Variants in ANKRD18B observed in about 807,000 individuals in gnomAD.
ANKRD18B encodes ankyrin repeat domain-containing protein 18B.
Under a neutral mutation model 111.8 loss-of-function variants are expected in ANKRD18B, and 75 were observed. The ratio of observed to expected loss-of-function variants is 0.67; its 90% CI spans 0.56 to 0.81. The LOEUF is 0.81. ANKRD18B is among the 40% of genes least tolerant of loss of function. The pLI, the probability that ANKRD18B is intolerant of heterozygous loss-of-function variation, is 0.00. For missense variants in ANKRD18B, 1,038 were observed against 1,225.5 expected (o/e 0.85, Z 2.28); for synonymous variants, 356 against 417.3 (o/e 0.85, Z 1.79).
chr9:33,553,187 C>A (rs1340495572), intron 12 of ANKRD18B, among the ~76,000 whole-genome samples: 1 of 149,026 alleles, frequency 6.7e-6, no homozygotes, highest in Non-Finnish European at 1.5e-5. Flanking sequence ...ATAAGTGAGA[C>A]CCTGACTCTA....
chr9:33,528,203 G>A (rs1464864310), intron 1 of ANKRD18B, among the ~76,000 whole-genome samples: 2 of 152,174 alleles, frequency 1.3e-5, no homozygotes, highest in African/African-American at 4.8e-5. Context: ...CAGGAGGCTG[G>A]GGCAGGAGGT....
intron 9 of ANKRD18B, among the ~76,000 whole-genome samples, chr9:33,541,455 A>AACGGTG (rs1828278467): frequency 6.6e-6 from 1 of 152,186 alleles, no homozygotes; most frequent in Non-Finnish European, 1.5e-5. Context: ...GTAATGAGTC[A>AACGGTG]GTGTTGGAGG....
At chr9:33,555,295 A>C (rs1274581522) in intron 12 of ANKRD18B, among the ~76,000 whole-genome samples, 1 of 152,222 alleles carries the variant, frequency 6.6e-6, no homozygotes, top group African/African-American at 2.4e-5. Context: ...TGTAATGGGA[A>C]CTAGATAAGA....
In ANKRD18B at chr9:33,524,436, C is replaced by G; in HGVS notation, c.-54C>G. On this transcript the variant is annotated 5_prime_UTR_variant, in exon 1 of 19. Transcript: ENST00000684830. ...GAGCTGGGTGGGGGTGGAAAGGCCA[C>G]GAGGAGCCGCGGCGTCTCAGGAGCG... The G allele has an allele frequency of 6.7e-7, 1 of 1,490,226 alleles. No individual in the cohort carries two copies. The allele number at this position is 1,490,226 out of a possible 1,614,324, so 92.3% of individuals were successfully genotyped here.
chr9:33,573,403 T>C, downstream of ANKRD18B: 2 of 701,180 alleles, frequency 2.9e-6, no homozygotes, highest in Non-Finnish European at 3.5e-6. Flanking sequence ...GCTGTGTCTC[T>C]AGATCGGGGC....
At position 33,529,121 on chromosome 9, in the gene ANKRD18B, C is replaced by T; in HGVS notation, c.443C>T (p.Ser148Leu). ...LHYAVYNEGT[S>L]LAERLLSHHA... Reference sequence around the variant, plus strand: ...TATGCCGTGTATAATGAGGGGACTTCACTGGCAGAAAGACTGCTTTCCCAC... The same window carrying T: ...TATGCCGTGTATAATGAGGGGACTTTACTGGCAGAAAGACTGCTTTCCCAC... Residue 148 changes from serine to leucine, a missense_variant, in exon 3 of 19, where the codon TCA (serine) becomes TTA (leucine). By Grantham distance (145) the Ser-to-Leu change is moderately radical (BLOSUM62 -2). Around this residue, in one of 4 missense-constraint regions of ANKRD18B, gnomAD observed 216 missense variants for 205.1 expected, o/e 1.05. Transcript: ENST00000684830. 4 of 1,611,972 alleles carry T rather than the reference C, an allele frequency of 2.5e-6. No homozygotes were observed. Among genetic ancestry groups the T allele is most frequent in the Non-Finnish European group, 3.4e-6 (4 of 1,179,834 alleles).
At chr9:33,564,839 CT>C (rs201894775) in intron 14 of ANKRD18B, among the ~76,000 whole-genome samples, 3,576 of 151,704 alleles carry the variant, frequency 0.024, 67 homozygotes, top group Admixed American at 0.031. Context: ...ATTTGTATTT[CT>C]TTTTTTTCTC....
At chr9:33,567,914 A>C (rs1266312301) in intron 16 of ANKRD18B, among the ~76,000 whole-genome samples, 2 of 152,260 alleles carry the variant, frequency 1.3e-5, no homozygotes, top group African/African-American at 4.8e-5. Context: ...AAGGTGGTTC[A>C]AAAATAACAC....
intron 3 of ANKRD18B, 67 bp from the exon 4 acceptor site, chr9:33,533,372 A>C (rs1054599926): frequency 6.7e-7 from 1 of 1,502,610 alleles, no homozygotes; most frequent in Non-Finnish European, 8.9e-7. Context: ...CATCTTATAG[A>C]AGATTTTTAG....
At chr9:33,541,426 G>A (rs1360550055) in intron 9 of ANKRD18B, among the ~76,000 whole-genome samples, 199 bp downstream of exon 9, 2 of 152,262 alleles carry the variant, frequency 1.3e-5, no homozygotes, top group Admixed American at 6.5e-5. Context: ...GGTGTTGCTG[G>A]GAACGGTGGC....
At chr9:33,566,087 C>T (rs566657961) in intron 14 of ANKRD18B, 132 bp from the exon 15 acceptor site, 21 of 806,446 alleles carry the variant, frequency 2.6e-5, no homozygotes, top group African/African-American at 2.1e-4. Flanking sequence ...TAAGGGTTCA[C>T]ATTTGAAGAA....
At position 33,548,828 on chromosome 9, in the gene ANKRD18B, G is replaced by A; in HGVS notation, c.2040G>A (p.Gln680=). The change falls in exon 11 of 19, where the codon CAG becomes CAA. Residue 680 remains glutamine (Q), a synonymous_variant. Transcript: ENST00000684830. The part of the protein sequence containing the change: ...EYNYLKEKLL[Q]YEKEKAEREV... ...ATTATTTAAAAGAAAAACTGCTTCA[G>A]TATGAAAAAGAAAAAGCAGAAAGAG... 6.7e-7 allele frequency: 1 copy of A among 1,495,128 alleles called. No individual in the cohort carries two copies. The highest frequency in any genetic ancestry group is 8.9e-7 in the Non-Finnish European group (1 of 1,125,078). The allele number at this position is 1,495,128 out of a possible 1,614,324, so 92.6% of individuals were successfully genotyped here.
chr9:33,527,403 C>T (rs1358256181), intron 1 of ANKRD18B, among the ~76,000 whole-genome samples: 1 of 152,058 alleles, frequency 6.6e-6, no homozygotes, highest in East Asian at 1.9e-4. Flanking sequence ...CTCACTGCAA[C>T]CTCTGCTGCC....
intron 18 of ANKRD18B, chr9:33,571,970 C>T (rs532353581): frequency 4.5e-6 from 1 of 220,992 alleles, no homozygotes; most frequent in Admixed American, 5.4e-5. Context: ...GTCATGATAT[C>T]TATGACTCTA....
rs1482893387 is a variant in ANKRD18B, at chr9:33,532,152, T to A, written c.496-1287T>A. ...GGGAGGCTGAGGCAGGAGAATGGCA[T>A]GAACTCGGGAGGTGGAGCTTGCAGT... On this transcript the variant is annotated intron_variant, in intron 3 of 18. Coordinates refer to ENST00000684830, the MANE Select transcript of ANKRD18B (RefSeq NM_001393611.1). Among the ~76,000 whole-genome samples the A allele has an allele frequency of 2.6e-5, 4 of 152,116 alleles. No individual in the cohort carries two copies. In the East Asian group the frequency reaches 7.7e-4, roughly 29 times the overall value.
At chr9:33,557,676 T>G (rs927604481) in intron 13 of ANKRD18B, among the ~76,000 whole-genome samples, 1 of 151,938 alleles carries the variant, frequency 6.6e-6, no homozygotes, top group African/African-American at 2.4e-5. Flanking sequence ...AATCCCAGCT[T>G]ACTTGGGAGG....
rs1828798041 is a variant in ANKRD18B at position 33,572,603 on chromosome 9, C to G, written c.*169C>G. 1 of 1,248,282 alleles carries G rather than the reference C, an allele frequency of 8.0e-7. No homozygotes were observed. Among genetic ancestry groups the G allele is most frequent in the African/African-American group, 1.5e-5 (1 of 64,806 alleles). The allele number at this position is 1,248,282 out of a possible 1,614,324, so 77.3% of individuals were successfully genotyped here. On this transcript the variant is annotated 3_prime_UTR_variant, in exon 19 of 19. Coordinates refer to ENST00000684830, the MANE Select transcript of ANKRD18B (RefSeq NM_001393611.1). ...TAGCCTCCTTAAGTTTTAAGTGGAT[C>G]TTGCAAATGAACACCAGTGTTATTG... is the stretch of plus-strand genomic sequence containing the variant.
At chr9:33,551,291 A>C (rs1025425336) in intron 12 of ANKRD18B, among the ~76,000 whole-genome samples, 3 of 152,208 alleles carry the variant, frequency 2.0e-5, no homozygotes, top group Non-Finnish European at 4.4e-5. Context: ...TGTACAACTC[A>C]GTGTCTGTTA....
intron 1 of ANKRD18B, 183 bp from the exon 2 acceptor site, chr9:33,528,544 T>C (rs1828059423): frequency 5.9e-6 from 3 of 510,028 alleles, no homozygotes; most frequent in Non-Finnish European, 1.0e-5. Flanking sequence ...TCTATCCAAA[T>C]AGGCTGCTGT....
Sources: allele counts gnomAD v4.1 joint callset (sites outside exome capture counted in the v4.1 genomes callset), GRCh38; gene constraint gnomAD v4.1.1; regional missense constraint gnomAD v4.1.1; transcripts MANE v1.5; gene names NCBI Gene and HGNC (gene_info 2026-07-23, HGNC 2026-07-21).